The following SGPP2 variants were observed in gnomAD, a reference collection of about 807,000 sequenced individuals.
SGPP2 encodes the protein sphingosine 1-phosphate phosphohydrolase 2.
Under a neutral mutation model 33.9 loss-of-function variants are expected in SGPP2, and 30 were observed. The ratio of observed to expected loss-of-function variants is 0.89; its 90% CI spans 0.66 to 1.20. SGPP2 has a LOEUF of 1.20. Among genes scored for constraint, SGPP2 ranks in the 50% most tolerant of loss-of-function variants. SGPP2 has a pLI of 0.00. For missense variants in SGPP2, 458 were observed against 532.1 expected (o/e 0.86, Z 1.37); for synonymous variants, 233 against 225.0 (o/e 1.04, Z -0.32).
At chr2:222,554,483 C>A (rs1353986771) in intron 4 of SGPP2, among the ~76,000 whole-genome samples, 1 of 152,188 alleles carries the variant, frequency 6.6e-6, no homozygotes, top group Non-Finnish European at 1.5e-5. Flanking sequence ...GCAGTTATAT[C>A]TCTAAGGTCA....
rs183409767 is a variant in SGPP2 at position 222,511,956 on chromosome 2, G to A, written c.379-9811G>A. 2.8e-4 allele frequency among the ~76,000 whole-genome samples: 43 copies of A among 152,064 alleles called. No homozygotes were observed. In the East Asian group the frequency reaches 7.3e-3, roughly 26 times the overall value. On this transcript the variant is annotated intron_variant, in intron 2 of 4. Transcript: ENST00000321276. ...GCCTCCCAAAGTGCTGGGATTACAG[G>A]TATGAGCCACCATGCCTGGCCCGCC...
chr2:222,455,936 G>A (rs780952614), intron 1 of SGPP2, among the ~76,000 whole-genome samples: 6 of 151,936 alleles, frequency 3.9e-5, no homozygotes, highest in South Asian at 2.1e-4. Flanking sequence ...AATATTCCCC[G>A]GGTGTGGTGA....
intron 4 of SGPP2, among the ~76,000 whole-genome samples, chr2:222,541,353 G>A (rs1000643961): frequency 1.3e-5 from 2 of 152,164 alleles, no homozygotes; most frequent in African/African-American, 4.8e-5. Flanking sequence ...CTCAAGACAT[G>A]CTGTTTTATG....
chr2:222,506,506 GT>G (rs1368653073), intron 2 of SGPP2, among the ~76,000 whole-genome samples: 1 of 152,126 alleles, frequency 6.6e-6, no homozygotes, highest in Non-Finnish European at 1.5e-5. Context: ...TACTGGAAAT[GT>G]ATTTTCTCTT....
chr2:222,483,096 A>G (rs903962431), intron 2 of SGPP2, among the ~76,000 whole-genome samples: 1 of 152,184 alleles, frequency 6.6e-6, no homozygotes, highest in African/African-American at 2.4e-5. Context: ...ATAGAATAGA[A>G]GGTATTTCAT....
chr2:222,534,205 T>A (rs1257588337), intron 4 of SGPP2, among the ~76,000 whole-genome samples: 2 of 152,234 alleles, frequency 1.3e-5, no homozygotes, highest in African/African-American at 2.4e-5. Flanking sequence ...ATATTTATGA[T>A]GCCCTGACTA....
At chr2:222,493,224 A>G (rs922847609) in intron 2 of SGPP2, among the ~76,000 whole-genome samples, 1 of 152,224 alleles carries the variant, frequency 6.6e-6, no homozygotes, top group Non-Finnish European at 1.5e-5. Context: ...AGGAGGTTCA[A>G]TTGACCCACA....
At chr2:222,494,724 T>C (rs978685784) in intron 2 of SGPP2, among the ~76,000 whole-genome samples, 17 of 152,222 alleles carry the variant, frequency 1.1e-4, no homozygotes, top group African/African-American at 3.1e-4. Flanking sequence ...AACAATTGTA[T>C]AACTAGTCAC....
intron 2 of SGPP2, among the ~76,000 whole-genome samples, chr2:222,480,299 C>T (rs1490474881): frequency 6.6e-6 from 1 of 152,210 alleles, no homozygotes; most frequent in Admixed American, 6.5e-5. Context: ...CAAACATTGA[C>T]ACCGCAACTC....
rs1280298530 is a variant in SGPP2, at chr2:222,490,000, G to A, written c.378+15274G>A. 2.6e-5 allele frequency among the ~76,000 whole-genome samples: 4 copies of A among 152,050 alleles called. No homozygotes were observed. In the South Asian group the frequency reaches 6.2e-4, roughly 24 times the overall value. ...TAAATAAAATAAAAAATAAAACTCT[G>A]TGAAAGCCTGAGTTGCAGAAAACCA... On this transcript the variant is annotated intron_variant, in intron 2 of 4. Coordinates refer to ENST00000321276, the MANE Select transcript of SGPP2 (RefSeq NM_152386.4).
chr2:222,444,955 G>A (rs114721332), intron 1 of SGPP2, among the ~76,000 whole-genome samples: 6,782 of 152,230 alleles, frequency 0.045, 410 homozygotes, highest in Admixed American at 0.18. Flanking sequence ...AAAGCTTTTA[G>A]CATGCAAGCA....
At chr2:222,486,025 T>A (rs951799545) in intron 2 of SGPP2, among the ~76,000 whole-genome samples, 1 of 152,230 alleles carries the variant, frequency 6.6e-6, no homozygotes, top group Non-Finnish European at 1.5e-5. Context: ...GGGAGCCCTC[T>A]CTAGTTAGAG....
At chr2:222,505,793 G>A (rs12463450) in intron 2 of SGPP2, among the ~76,000 whole-genome samples, 45,079 of 151,710 alleles carry the variant, frequency 0.3, 8,091 homozygotes, top group Non-Finnish European at 0.4. Flanking sequence ...AAATTATCTG[G>A]GTTTGGCAGC....
chr2:222,457,663 A>T (rs1251067685), intron 1 of SGPP2, among the ~76,000 whole-genome samples: 3 of 152,172 alleles, frequency 2.0e-5, no homozygotes, highest in Non-Finnish European at 2.9e-5. Flanking sequence ...TACACTAAAA[A>T]GTAGGAAAGT....
At chr2:222,496,623 C>T (rs1245518977) in intron 2 of SGPP2, among the ~76,000 whole-genome samples, 1 of 152,188 alleles carries the variant, frequency 6.6e-6, no homozygotes, top group African/African-American at 2.4e-5. Context: ...CAGACTTCTG[C>T]CTCAATCTCC....
chr2:222,474,536 A>G (rs559190867), intron 1 of SGPP2, 32 bp from the exon 2 acceptor site: 18 of 1,602,360 alleles, frequency 1.1e-5, no homozygotes, highest in Non-Finnish European at 1.4e-5. Context: ...TATTGCATGA[A>G]CTCACAGAGT....
intron 2 of SGPP2, among the ~76,000 whole-genome samples, chr2:222,507,110 T>C (rs1000246473): frequency 1.3e-5 from 2 of 152,136 alleles, no homozygotes; most frequent in African/African-American, 4.8e-5. Flanking sequence ...TTTAAAGAAC[T>C]AGTCATTAAT....
chr2:222,467,239 A>G (rs1559151845), intron 1 of SGPP2, among the ~76,000 whole-genome samples: 1 of 152,226 alleles, frequency 6.6e-6, no homozygotes, highest in East Asian at 1.9e-4. Flanking sequence ...TCTGCTCATT[A>G]ACAAGATGCC....
intron 2 of SGPP2, among the ~76,000 whole-genome samples, chr2:222,505,518 A>G (rs1698431247): frequency 6.6e-6 from 1 of 152,236 alleles, no homozygotes; most frequent in African/African-American, 2.4e-5. Context: ...TGAAAGATGT[A>G]GCCTAGAAAT....
Sources: allele counts gnomAD v4.1 joint callset (sites outside exome capture counted in the v4.1 genomes callset), GRCh38; gene constraint gnomAD v4.1.1; transcripts MANE v1.5; gene names NCBI Gene and HGNC (gene_info 2026-07-23, HGNC 2026-07-21).